Variants in DCDC1 observed in about 807,000 individuals in gnomAD.
DCDC1 encodes the protein doublecortin domain containing 1, also known as doublecortin domain-containing protein 1.
In DCDC1, 200 loss-of-function variants were observed where a neutral mutation model predicts 178.3. That is an observed-to-expected ratio of 1.12 (90% CI 1.00 to 1.26). The LOEUF is 1.26. DCDC1 is among the 50% of genes most tolerant of loss of function. The pLI is 0.00. For missense variants in DCDC1, 1,983 were observed against 1,749.2 expected (o/e 1.13, Z -2.38); for synonymous variants, 690 against 604.8 (o/e 1.14, Z -2.07).
intron 9 of DCDC1, among the ~76,000 whole-genome samples, chr11:31,212,844 A>G (rs1972748367): frequency 6.6e-6 from 1 of 152,222 alleles, no homozygotes; most frequent in Non-Finnish European, 1.5e-5. Context: ...CAAGGACATT[A>G]ACTGCAATGC....
At chr11:31,022,643 TTGTGTGTGTGTGTGTGTGTGTG>T (rs4067986) in intron 20 of DCDC1, among the ~76,000 whole-genome samples, 1 of 120,950 alleles carries the variant, frequency 8.3e-6, no homozygotes, top group African/African-American at 3.3e-5. Context: ...GTCTTTTAGT[TTGTGTGTGTGTGTGTGTGTGTG>T]TGTGTGTGTG....
At chr11:31,038,481 A>G (rs1477740004) in intron 20 of DCDC1, among the ~76,000 whole-genome samples, 1 of 152,192 alleles carries the variant, frequency 6.6e-6, no homozygotes, top group East Asian at 1.9e-4. Context: ...AAACAGAACA[A>G]GACTTGAGGA....
intron 20 of DCDC1, among the ~76,000 whole-genome samples, chr11:30,976,205 A>C (rs927805130): frequency 6.6e-6 from 1 of 152,106 alleles, no homozygotes; most frequent in African/African-American, 2.4e-5. Context: ...TGAATTGAAA[A>C]CTTAAACCTA....
chr11:31,124,378 A>G (rs555970555), intron 11 of DCDC1, among the ~76,000 whole-genome samples: 35 of 152,246 alleles, frequency 2.3e-4, no homozygotes, highest in Admixed American at 1.4e-3. Context: ...TATAGATTCA[A>G]TTCTATTCCC....
chr11:31,346,255 T>A (rs1218050434), intron 1 of DCDC1, among the ~76,000 whole-genome samples: 2 of 150,520 alleles, frequency 1.3e-5, no homozygotes, highest in Non-Finnish European at 3.0e-5. Context: ...AGGTCAGGAG[T>A]TCGAGACTAG....
chr11:31,222,670 T>C (rs1243489149), intron 9 of DCDC1, among the ~76,000 whole-genome samples: 1 of 152,126 alleles, frequency 6.6e-6, no homozygotes, highest in African/African-American at 2.4e-5. Context: ...TATGGTCAGG[T>C]TCTGGTGAGG....
At chr11:31,280,815 T>C in intron 7 of DCDC1, 1 of 619,338 alleles carries the variant, frequency 1.6e-6, no homozygotes, top group South Asian at 1.4e-5. Flanking sequence ...CCCCAGGTGA[T>C]GCCTTTGTTC....
At chr11:31,166,026 C>G (rs1966751014) in intron 9 of DCDC1, among the ~76,000 whole-genome samples, 1 of 152,224 alleles carries the variant, frequency 6.6e-6, no homozygotes, top group African/African-American at 2.4e-5. Flanking sequence ...CTGAGTTTAA[C>G]CCATTAATTT....
chr11:31,169,515 T>C (rs1028712373), intron 9 of DCDC1, among the ~76,000 whole-genome samples: 6 of 152,214 alleles, frequency 3.9e-5, no homozygotes, highest in Non-Finnish European at 7.3e-5. Flanking sequence ...TCAGGTTCTA[T>C]GACCTGAAAG....
chr11:30,993,318 G>A (rs290103), intron 20 of DCDC1, among the ~76,000 whole-genome samples: 12 of 151,930 alleles, frequency 7.9e-5, no homozygotes, highest in South Asian at 6.2e-4. Context: ...GAGATTGCCC[G>A]TGTTATAGCA....
chr11:30,948,852 A>T (rs2134454180), intron 21 of DCDC1, among the ~76,000 whole-genome samples: 1 of 152,318 alleles, frequency 6.6e-6, no homozygotes, highest in African/African-American at 2.4e-5. Flanking sequence ...ACAAAAATTA[A>T]CTCAAGATGG....
intron 1 of DCDC1, among the ~76,000 whole-genome samples, chr11:31,348,724 T>C (rs7112412): frequency 0.68 from 102,628 of 151,938 alleles, 35,352 homozygotes; most frequent in African/African-American, 0.79. Flanking sequence ...CACTCAACCT[T>C]ACTAGGAGAC....
intron 1 of DCDC1, among the ~76,000 whole-genome samples, chr11:31,352,516 CACA>C (rs1488418302): frequency 2.6e-5 from 4 of 152,272 alleles, no homozygotes; most frequent in South Asian, 2.1e-4. Flanking sequence ...AAACTTTCAA[CACA>C]ACAACTTCAT....
At chr11:31,211,741 C>G (rs374796) in intron 9 of DCDC1, among the ~76,000 whole-genome samples, 106,207 of 151,924 alleles carry the variant, frequency 0.7, 38,241 homozygotes, top group East Asian at 0.96. Flanking sequence ...TTCCATATAA[C>G]GTGTCATAGA....
intron 18 of DCDC1, among the ~76,000 whole-genome samples, chr11:31,076,788 T>C (rs900927452): frequency 1.3e-5 from 2 of 152,170 alleles, no homozygotes; most frequent in Non-Finnish European, 2.9e-5. Flanking sequence ...TGTCATTCTT[T>C]CTCACACAGT....
intron 20 of DCDC1, among the ~76,000 whole-genome samples, chr11:30,980,064 C>G (rs1950313392): frequency 6.6e-6 from 1 of 152,150 alleles, no homozygotes; most frequent in African/African-American, 2.4e-5. Context: ...TTGTGGACAT[C>G]ATAAAATTCA....
chr11:31,078,709 G>A (rs1346660601), intron 17 of DCDC1, among the ~76,000 whole-genome samples: 1 of 152,130 alleles, frequency 6.6e-6, no homozygotes, highest in African/African-American at 2.4e-5. Flanking sequence ...ATCCAGTTAT[G>A]TAAAAGAATA....
At chr11:30,873,362 TATAG>T (rs1274123467) in intron 38 of DCDC1, among the ~76,000 whole-genome samples, 152 of 138,050 alleles carry the variant, frequency 1.1e-3, no homozygotes, top group African/African-American at 3.3e-3. Flanking sequence ...TATATATATA[TATAG>T]AGAGAGAGAG....
At chr11:31,048,880 G>A (rs1025777907) in intron 20 of DCDC1, among the ~76,000 whole-genome samples, 2 of 151,988 alleles carry the variant, frequency 1.3e-5, no homozygotes, top group Admixed American at 6.6e-5. Context: ...CTGTCAATTA[G>A]TTGTATTAAA....
Sources: allele counts gnomAD v4.1 joint callset (sites outside exome capture counted in the v4.1 genomes callset), GRCh38; gene constraint gnomAD v4.1.1; transcripts MANE v1.5; gene names NCBI Gene and HGNC (gene_info 2026-07-23, HGNC 2026-07-21).